The following MAPKAP1 variants were observed in gnomAD, a reference collection of about 807,000 sequenced individuals.
MAPKAP1 encodes the protein target of rapamycin complex 2 subunit MAPKAP1.
In MAPKAP1, 20 loss-of-function variants were observed where a neutral mutation model predicts 65.7. That is an observed-to-expected ratio of 0.30 (90% CI 0.21 to 0.44). The LOEUF (loss-of-function observed/expected upper bound fraction) is 0.44, where lower values mean the gene tolerates loss of function less well. Among genes scored for constraint, MAPKAP1 ranks in the 20% least tolerant of loss-of-function variants. The probability of loss-of-function intolerance (pLI) is 1.00; values close to 1 mark genes in which losing one functional copy is unlikely to be tolerated. For missense variants in MAPKAP1, 423 were observed against 648.0 expected (o/e 0.65, Z 3.77); for synonymous variants, 222 against 244.3 (o/e 0.91, Z 0.85).
chr9:125,586,183 C>A lies in MAPKAP1; in HGVS notation c.499-456G>T, dbSNP rs553598570. Among the ~76,000 whole-genome samples the A allele has an allele frequency of 2.0e-5, 3 of 152,288 alleles. No individual in the cohort carries two copies. The East Asian group carries it at 5.8e-4, about 29-fold the overall frequency. On this transcript the variant is annotated intron_variant, in intron 4 of 11. Coordinates refer to ENST00000265960, the MANE Select transcript of MAPKAP1 (RefSeq NM_001006617.3). The stretch of plus-strand genomic sequence containing the variant: ...CAGCACTGAAACAGGTGCTTGCCTT[C>A]TCAGAGACTGGGGGCTAGTTCCACT...
At chr9:125,499,255 T>C (rs1230336377) in intron 8 of MAPKAP1, among the ~76,000 whole-genome samples, 1 of 152,190 alleles carries the variant, frequency 6.6e-6, no homozygotes, top group Non-Finnish European at 1.5e-5. Flanking sequence ...TAATCAAACA[T>C]AGTAACAGAA....
chr9:125,608,777 G>A (rs1029430542), intron 4 of MAPKAP1, among the ~76,000 whole-genome samples: 1 of 152,120 alleles, frequency 6.6e-6, no homozygotes, highest in Non-Finnish European at 1.5e-5. Context: ...CCAGTAAACC[G>A]CTATTTCCAC....
chr9:125,594,692 AC>A (rs956709554), intron 4 of MAPKAP1, among the ~76,000 whole-genome samples: 2 of 151,872 alleles, frequency 1.3e-5, no homozygotes, highest in Admixed American at 1.3e-4. Context: ...AACTACCCTC[AC>A]CACCTCCTTC....
chr9:125,524,766 T>C (rs1055963010), intron 7 of MAPKAP1, among the ~76,000 whole-genome samples: 7 of 152,254 alleles, frequency 4.6e-5, no homozygotes, highest in Admixed American at 4.6e-4. Context: ...CTCCTTCAGC[T>C]GACTCCCAGG....
intron 9 of MAPKAP1, among the ~76,000 whole-genome samples, chr9:125,477,635 C>A (rs990440863): frequency 2.6e-5 from 4 of 152,192 alleles, no homozygotes; most frequent in African/African-American, 9.7e-5. Context: ...GGTTTCTGTG[C>A]TTTCCTTTGG....
intron 5 of MAPKAP1, chr9:125,567,633 T>C (rs1446360337): frequency 6.6e-6 from 1 of 152,212 alleles, no homozygotes; most frequent in African/African-American, 2.4e-5. Flanking sequence ...CTTAATAAAC[T>C]TGCTTTCACT....
intron 4 of MAPKAP1, among the ~76,000 whole-genome samples, chr9:125,598,995 G>T (rs1832222084): frequency 6.7e-6 from 1 of 148,364 alleles, no homozygotes; most frequent in Non-Finnish European, 1.5e-5. Flanking sequence ...AGCCAGCACT[G>T]CACTCTAGCC....
intron 4 of MAPKAP1, among the ~76,000 whole-genome samples, chr9:125,641,166 A>G (rs2073317346): frequency 1.3e-5 from 2 of 152,196 alleles, no homozygotes; most frequent in Admixed American, 6.5e-5. Context: ...AGTAAACACT[A>G]TTATTATCTT....
At chr9:125,607,466 T>A (rs117852833) in intron 4 of MAPKAP1, among the ~76,000 whole-genome samples, 1 of 152,208 alleles carries the variant, frequency 6.6e-6, no homozygotes, top group African/African-American at 2.4e-5. Flanking sequence ...CTGAGTTAGA[T>A]TCAACAATTA....
chr9:125,693,773 A>G (rs1446813490), intron 1 of MAPKAP1, among the ~76,000 whole-genome samples: 1 of 151,348 alleles, frequency 6.6e-6, no homozygotes, highest in Non-Finnish European at 1.5e-5. Flanking sequence ...GTATATACAC[A>G]TATATACACG....
chr9:125,581,331 T>C (rs890034889), intron 5 of MAPKAP1, among the ~76,000 whole-genome samples: 5 of 152,260 alleles, frequency 3.3e-5, no homozygotes, highest in Non-Finnish European at 7.3e-5. Flanking sequence ...AAATGATGTA[T>C]GATACAGTTT....
At chr9:125,522,104 T>C (rs1829634977) in intron 7 of MAPKAP1, among the ~76,000 whole-genome samples, 1 of 152,206 alleles carries the variant, frequency 6.6e-6, no homozygotes, top group South Asian at 2.1e-4. Flanking sequence ...CCAGTGGCCC[T>C]GGTGGAAGGG....
At position 125,673,901 on chromosome 9, in the gene MAPKAP1, C is replaced by T. The variant is rs1417474316; in HGVS notation, c.-69-1258G>A. Among the ~76,000 whole-genome samples the T allele has an allele frequency of 2.6e-5, 4 of 152,100 alleles. No individual in the cohort carries two copies. In the South Asian group the frequency reaches 6.2e-4, roughly 24 times the overall value. ...AGGCTGCAGTGAGCTATGATTGCAC[C>T]ATTGCACTCCAGCCTGGGTGACATA... On this transcript the variant is annotated intron_variant, in intron 1 of 11. Coordinates refer to ENST00000265960, the MANE Select transcript of MAPKAP1 (RefSeq NM_001006617.3).
chr9:125,613,860 C>T (rs1007001936), intron 4 of MAPKAP1, among the ~76,000 whole-genome samples: 1 of 151,572 alleles, frequency 6.6e-6, no homozygotes, highest in Admixed American at 6.6e-5. Flanking sequence ...TGCAGTGGCG[C>T]GATCTCAGCT....
intron 6 of MAPKAP1, among the ~76,000 whole-genome samples, chr9:125,545,497 G>A (rs999642200): frequency 6.6e-5 from 10 of 152,164 alleles, no homozygotes; most frequent in African/African-American, 2.4e-4. Context: ...CAAGTTCTCG[G>A]GTACTCACAA....
chr9:125,527,608 G>A (rs1445747077), intron 7 of MAPKAP1, among the ~76,000 whole-genome samples: 1 of 152,136 alleles, frequency 6.6e-6, no homozygotes, highest in Non-Finnish European at 1.5e-5. Context: ...GACTTAGGCT[G>A]TGCACTCTCT....
At chr9:125,491,028 C>A (rs2133052254) in intron 8 of MAPKAP1, among the ~76,000 whole-genome samples, 1 of 151,856 alleles carries the variant, frequency 6.6e-6, no homozygotes. Flanking sequence ...ATCTCAGCTA[C>A]TCTGGAGGCT....
intron 4 of MAPKAP1, among the ~76,000 whole-genome samples, chr9:125,649,813 A>AAAAAAAAAAG (rs1421144814): frequency 6.6e-6 from 1 of 151,844 alleles, no homozygotes; most frequent in African/African-American, 2.4e-5. Flanking sequence ...AAAAAAAAAA[A>AAAAAAAAAAG]AAAAGAAAAG....
Position 125,447,268 on chromosome 9 carries a change from TCCCCC to T in MAPKAP1, c.1346-2675_1346-2671del. 1 of 391,206 alleles carries T rather than the reference TCCCCC, an allele frequency of 2.6e-6. No homozygotes were observed. Among genetic ancestry groups the T allele is most frequent in the Admixed American group, 2.6e-5 (1 of 37,756 alleles). 24.2% of individuals were successfully genotyped at this position (391,206 alleles called of 1,614,324 possible). A position where few individuals can be genotyped will look rare whatever the true frequency, so the allele number is the denominator to read the frequency against. On this transcript the variant is annotated intron_variant, in intron 10 of 11. Transcript: ENST00000265960. This position sits in a 1 kb window ranked among gnomAD's most constrained non-coding sequence, Gnocchi z 4.5. Reference sequence around the variant, plus strand: ...TGAGGAGGAGGAAGAGTCCCAACATTCCCCCACTCTCCCTCAAGCCTCCGGTCTGT... The same window carrying T: ...TGAGGAGGAGGAAGAGTCCCAACATTACTCTCCCTCAAGCCTCCGGTCTGT...
Sources: gnomAD v4.1 joint callset for allele counts (sites outside exome capture counted in the v4.1 genomes callset) on GRCh38, gnomAD v4.1.1 for gene constraint, Gnocchi (gnomAD v3.1) non-coding constraint, MANE v1.5 for transcripts, NCBI Gene and HGNC (gene_info 2026-07-23, HGNC 2026-07-21) for gene names.